The following ZNF25 variants were observed in gnomAD, a reference collection of about 807,000 sequenced individuals.
The protein encoded by ZNF25 is zinc finger protein 25.
A neutral mutation model predicts 30.9 loss-of-function variants in ZNF25; 21 were observed. That is an observed-to-expected ratio of 0.68 (90% CI 0.48 to 0.98). ZNF25 has a LOEUF of 0.98. ZNF25 is among the 50% of genes least tolerant of loss of function. The probability of loss-of-function intolerance (pLI) is 0.00; values close to 1 mark genes in which losing one functional copy is unlikely to be tolerated. For missense variants in ZNF25, 501 were observed against 529.9 expected (o/e 0.95, Z 0.54); for synonymous variants, 169 against 181.3 (o/e 0.93, Z 0.55).
At chr10:37,971,370 T>C (rs951297678) in intron 2 of ZNF25, among the ~76,000 whole-genome samples, 2 of 151,922 alleles carry the variant, frequency 1.3e-5, no homozygotes, top group African/African-American at 4.8e-5. Context: ...GTCTACTTTA[T>C]GCCAAAAAGG....
In ZNF25 at chr10:37,957,450, G is replaced by C; in HGVS notation, c.112C>G (p.Leu38Val). 1 of 1,613,458 alleles carries C rather than the reference G, an allele frequency of 6.2e-7. No individual in the cohort carries two copies. Among genetic ancestry groups the C allele is most frequent in the African/African-American group, 1.3e-5 (1 of 74,984 alleles). The change falls in exon 3 of 6, where the codon CTG becomes GTG. Residue 38 changes from leucine (L) to valine (V), a missense_variant. Physicochemically the swap from Leu to Val is conservative, Grantham distance 32. Coordinates refer to ENST00000302609, the MANE Select transcript of ZNF25 (RefSeq NM_145011.4). ...AQRTLYKDVM[L>V]ENYSHLVSVG... ...GAGACAAGGTGACTATAGTTTTCCA[G>C]CATCACATCCTTATACAGAGTCCTC...
chr10:37,953,135 C>T lies in ZNF25; in HGVS notation c.363G>A (p.Lys121=), dbSNP rs754816644. 8 of 1,610,100 alleles carry T rather than the reference C, an allele frequency of 5.0e-6. No individual in the cohort carries two copies. The highest frequency in any genetic ancestry group is 3.4e-5 in the Admixed American group (2 of 58,964). The change falls in exon 6 of 6, where the codon AAG becomes AAA. Residue 121 remains lysine (K), a synonymous_variant. Transcript: ENST00000302609. ...TCTGGCAGAAGAACTTCCCACATTC[C>T]TTACATTCACAGGCTTTCTCTGTGG... ...THTTEKACEC[K]ECGKFFCQKS...
intron 2 of ZNF25, among the ~76,000 whole-genome samples, chr10:37,968,737 C>A (rs2063325923): frequency 6.6e-6 from 1 of 152,156 alleles, no homozygotes; most frequent in South Asian, 2.1e-4. Context: ...TACATTTCTC[C>A]AAATAACACA....
Position 37,971,885 on chromosome 10 carries a change from T to A in ZNF25, c.-85-78A>T. 3 of 920,572 alleles carry A rather than the reference T, an allele frequency of 3.3e-6. No individual in the cohort carries two copies. In the East Asian group the frequency reaches 7.8e-5, roughly 24 times the overall value. The allele number at this position is 920,572 out of a possible 1,614,324, so 57.0% of individuals were successfully genotyped here. A position where few individuals can be genotyped will look rare whatever the true frequency, so the allele number is the denominator to read the frequency against. On this transcript the variant is annotated intron_variant, in intron 1 of 5. Transcript: ENST00000302609. ...TGTCCCTTTGACCCATTAGAAAGCA[T>A]AGTAAGGACCATGATGAAGTAGCAC...
chr10:37,972,956 T>C (rs2063578409), intron 1 of ZNF25, among the ~76,000 whole-genome samples: 3 of 151,852 alleles, frequency 2.0e-5, no homozygotes, highest in South Asian at 2.1e-4. Flanking sequence ...TCACCTGAGG[T>C]TGGGAGTTCA....
In ZNF25 at chr10:37,971,699, A is replaced by G. The variant is rs1374184729; in HGVS notation, c.15+9T>C. 26 of 1,613,542 alleles carry G rather than the reference A, an allele frequency of 1.6e-5. No homozygotes were observed. Among genetic ancestry groups the G allele is most frequent in the African/African-American group, 2.7e-5 (2 of 74,770 alleles). ...GTGAAACAAAGTTAGGGCTAAGTAA[A>G]TGACTCACCTGGAACTTGTTCATTT... On this transcript the variant is annotated intron_variant, in intron 2 of 5. Coordinates refer to ENST00000302609, the MANE Select transcript of ZNF25 (RefSeq NM_145011.4).
In ZNF25 at chr10:37,953,654, C is replaced by T. The variant is rs532178000; in HGVS notation, c.302+41G>A. On this transcript the variant is annotated intron_variant, in intron 5 of 5. Coordinates refer to ENST00000302609, the MANE Select transcript of ZNF25 (RefSeq NM_145011.4). ...TCTAGTAACTCCTTTAAGACTCTTG[C>T]TTACAAATCTTCTATCTTAAACATT... is the stretch of plus-strand genomic sequence containing the variant. The T allele has an allele frequency of 1.4e-5, 23 of 1,592,770 alleles. No homozygotes were observed. In the East Asian group the frequency reaches 4.7e-4, roughly 32 times the overall value.
chr10:37,956,921 A>AG lies in ZNF25; in HGVS notation c.238+98_238+99insC, dbSNP rs918406524. ...CAAGAGTGAAACTCTGTTTCAAAAA[A>AG]AAAAAAAAAAAAAGTGAGAGATTGC... is the stretch of plus-strand genomic sequence containing the variant. On this transcript the variant is annotated intron_variant, in intron 4 of 5. Transcript: ENST00000302609. 8.0e-6 allele frequency: 7 copies of AG among 874,256 alleles called. No homozygotes were observed. The South Asian group carries it at 1.3e-4, about 16-fold the overall frequency. The allele number at this position is 874,256 out of a possible 1,614,324, so 54.2% of individuals were successfully genotyped here.
intron 4 of ZNF25, 41 bp downstream of exon 4, chr10:37,956,979 C>A: frequency 3.6e-6 from 5 of 1,378,260 alleles, no homozygotes; most frequent in Non-Finnish European, 5.1e-6. Flanking sequence ...GAGGCACCAA[C>A]TACTCACCAG....
chr10:37,953,329 T>G, intron 5 of ZNF25, 134 bp from the exon 6 acceptor site: 323 of 741,648 alleles, frequency 4.4e-4, no homozygotes, highest in Non-Finnish European at 6.0e-4. Flanking sequence ...ACTGGATCCA[T>G]AGGGTTTCTC....
intron 1 of ZNF25, among the ~76,000 whole-genome samples, chr10:37,973,862 AC>A (rs2063643701): frequency 6.6e-6 from 1 of 152,186 alleles, no homozygotes; most frequent in South Asian, 2.1e-4. Context: ...GAGGCATTGT[AC>A]TACCAGACTT....
intron 5 of ZNF25, 198 bp downstream of exon 5, chr10:37,953,497 T>C (rs892792857): frequency 3.2e-6 from 2 of 624,476 alleles, no homozygotes; most frequent in Non-Finnish European, 5.6e-6. Context: ...AAAGACCACT[T>C]CAAAGTTTCA....
At chr10:37,955,664 A>C (rs1164908987) in intron 4 of ZNF25, among the ~76,000 whole-genome samples, 2 of 152,156 alleles carry the variant, frequency 1.3e-5, no homozygotes, top group African/African-American at 4.8e-5. Context: ...TCTGTTGTTA[A>C]TTATTTTATA....
chr10:37,957,759 A>G (rs2062621713), intron 2 of ZNF25, among the ~76,000 whole-genome samples: 3 of 152,230 alleles, frequency 2.0e-5, no homozygotes, highest in Admixed American at 2.0e-4. Flanking sequence ...ACTCTGCTGA[A>G]GATACAAAGA....
rs771146347 is a variant in ZNF25, at chr10:37,953,179, T to G, written c.319A>C (p.Lys107Gln). ...AGNSRNGELT[K>Q]HQKTHTTEKA... ...TCTGTGGTATGAGTTTTCTGATGTT[T>G]TGTGAGTTCTCCATTCCTAGACAGA... The change falls in exon 6 of 6, where the codon AAA (lysine) becomes CAA (glutamine). Residue 107 changes from lysine to glutamine, a missense_variant. Transcript: ENST00000302609. 1.3e-6 allele frequency: 2 copies of G among 1,585,080 alleles called. No individual in the cohort carries two copies. The highest frequency in any genetic ancestry group is 1.7e-6 in the Non-Finnish European group (2 of 1,171,528).
intron 2 of ZNF25, among the ~76,000 whole-genome samples, chr10:37,966,869 A>G (rs2063216609): frequency 6.6e-6 from 1 of 152,254 alleles, no homozygotes; most frequent in Admixed American, 6.5e-5. Context: ...CTTTAAATAG[A>G]TTAGACTCAC....
chr10:37,968,562 AC>A (rs1356269754), intron 2 of ZNF25, among the ~76,000 whole-genome samples: 1 of 151,334 alleles, frequency 6.6e-6, no homozygotes, highest in Non-Finnish European at 1.5e-5. Context: ...CACCATGTTG[AC>A]CAGGCTGGTC....
At chr10:37,974,018 C>T (rs1467202894) in intron 1 of ZNF25, among the ~76,000 whole-genome samples, 1 of 152,176 alleles carries the variant, frequency 6.6e-6, no homozygotes, top group East Asian at 1.9e-4. Flanking sequence ...TAAGAACATA[C>T]ATTGGAGAAA....
intron 4 of ZNF25, among the ~76,000 whole-genome samples, chr10:37,955,587 T>C (rs552126822): frequency 1.1e-3 from 173 of 152,258 alleles, no homozygotes; most frequent in African/African-American, 3.8e-3. Flanking sequence ...AACCAATGCA[T>C]TGGCTTTAAG....
Sources: allele counts gnomAD v4.1 joint callset (sites outside exome capture counted in the v4.1 genomes callset), GRCh38; gene constraint gnomAD v4.1.1; transcripts MANE v1.5; gene names NCBI Gene and HGNC (gene_info 2026-07-23, HGNC 2026-07-21).